TMEM74: variants seen among roughly 807,000 people sequenced by gnomAD.
The protein encoded by TMEM74 is transmembrane protein 74.
Under a neutral mutation model 18.1 loss-of-function variants are expected in TMEM74, and 13 were observed. That is an observed-to-expected ratio of 0.72 (90% confidence interval 0.47 to 1.14). TMEM74 has a LOEUF of 1.14. TMEM74 is among the 50% of genes most tolerant of loss of function. The pLI is 0.00. For missense variants in TMEM74, 372 were observed against 375.9 expected, an observed-to-expected ratio of 0.99 and a Z score of 0.09; for synonymous variants, 159 against 146.6, an observed-to-expected ratio of 1.08 and a Z score of -0.61.
chr8:108,653,868 AG>A (rs1229538994), intron 2 of TMEM74, among the ~76,000 whole-genome samples: 1 of 152,078 alleles, frequency 6.6e-6, no homozygotes, highest in East Asian at 1.9e-4. Flanking sequence ...GGAAGCATGG[AG>A]GCTTTTGCTA....
chr8:108,746,462 G>A (rs1325017724), intron 1 of TMEM74, among the ~76,000 whole-genome samples: 4 of 151,998 alleles, frequency 2.6e-5, no homozygotes, highest in Non-Finnish European at 5.9e-5. Flanking sequence ...GCTTCACAAA[G>A]GTAGAGATTA....
chr8:108,745,217 T>C (rs1271522640), intron 1 of TMEM74, among the ~76,000 whole-genome samples: 1 of 152,024 alleles, frequency 6.6e-6, no homozygotes, highest in Non-Finnish European at 1.5e-5. Flanking sequence ...GATCAAACAG[T>C]GGTAATTCTC....
At chr8:108,775,460 T>A (rs918619477), downstream of TMEM74, among the ~76,000 whole-genome samples, 4 of 152,190 alleles carry the variant, frequency 2.6e-5, no homozygotes, top group African/African-American at 7.2e-5. Flanking sequence ...TCTTTGGCAA[T>A]GTATTTCCCT....
At chr8:108,762,267 G>C (rs1049500515) in intron 1 of TMEM74, among the ~76,000 whole-genome samples, 1 of 152,062 alleles carries the variant, frequency 6.6e-6, no homozygotes, top group South Asian at 2.1e-4. Context: ...TGACATGATG[G>C]ATTCCAGCTT....
chr8:108,663,341 G>A (rs571470341), intron 1 of TMEM74, among the ~76,000 whole-genome samples: 168 of 152,170 alleles, frequency 1.1e-3, no homozygotes, highest in African/African-American at 3.9e-3. Flanking sequence ...ACATTCATGC[G>A]GTCAACAAAC....
chr8:108,657,579 C>T (rs746363390), intron 1 of TMEM74, among the ~76,000 whole-genome samples: 10 of 151,490 alleles, frequency 6.6e-5, no homozygotes, highest in African/African-American at 1.5e-4. Context: ...ATTTTTGGAC[C>T]GGGCGCGGTG....
At chr8:108,650,548 G>A (rs1454917701) in intron 2 of TMEM74, among the ~76,000 whole-genome samples, 1 of 152,110 alleles carries the variant, frequency 6.6e-6, no homozygotes, top group East Asian at 1.9e-4. Flanking sequence ...CCATCTCCTT[G>A]TTGTCCCTTG....
At chr8:108,719,342 CAA>C (rs1356649792) in intron 1 of TMEM74, among the ~76,000 whole-genome samples, 7 of 152,216 alleles carry the variant, frequency 4.6e-5, no homozygotes, top group Non-Finnish European at 1.0e-4. Flanking sequence ...TACATTCTCA[CAA>C]AAGTGTTTAA....
At chr8:108,733,483 G>T (rs898275101) in intron 1 of TMEM74, among the ~76,000 whole-genome samples, 6 of 152,120 alleles carry the variant, frequency 3.9e-5, no homozygotes, top group African/African-American at 1.4e-4. Flanking sequence ...GGCTTCTAGG[G>T]AATGAGGGAG....
intron 1 of TMEM74, among the ~76,000 whole-genome samples, chr8:108,738,092 C>G (rs1813765896): frequency 6.6e-6 from 1 of 152,092 alleles, no homozygotes; most frequent in Non-Finnish European, 1.5e-5. Flanking sequence ...TTTTCATTAC[C>G]TTTCCACCAG....
At chr8:108,700,468 G>A (rs966117569) in intron 1 of TMEM74, among the ~76,000 whole-genome samples, 3 of 147,086 alleles carry the variant, frequency 2.0e-5, no homozygotes, top group South Asian at 4.2e-4. Context: ...AGCATCCAAC[G>A]ACTAAAAGAG....
intron 1 of TMEM74, among the ~76,000 whole-genome samples, chr8:108,688,202 T>C (rs1477880043): frequency 6.6e-6 from 1 of 152,216 alleles, no homozygotes; most frequent in African/African-American, 2.4e-5. Context: ...TCATCAGTAT[T>C]TAACCTGGCT....
chr8:108,750,030 C>T (rs1290826326), intron 1 of TMEM74, among the ~76,000 whole-genome samples: 1 of 152,088 alleles, frequency 6.6e-6, no homozygotes, highest in Non-Finnish European at 1.5e-5. Flanking sequence ...TCTCTGTTCG[C>T]TAATTACTAC....
At chr8:108,615,819 CTTTTTTTTTTTTT>C (rs71564011) in intron 2 of TMEM74, among the ~76,000 whole-genome samples, 1 of 76,420 alleles carries the variant, frequency 1.3e-5, no homozygotes, top group Non-Finnish European at 2.4e-5. Context: ...TGCATGGGAG[CTTTTTTTTTTTTT>C]TTTTTTTTTT....
intron 1 of TMEM74, among the ~76,000 whole-genome samples, chr8:108,682,936 G>A (rs563272973): frequency 1.3e-5 from 2 of 151,878 alleles, no homozygotes; most frequent in South Asian, 4.1e-4. Flanking sequence ...GTTTTCTTTA[G>A]TAAGTGTATT....
intron 1 of TMEM74, among the ~76,000 whole-genome samples, chr8:108,736,218 A>C (rs1376833608): frequency 6.6e-6 from 1 of 152,142 alleles, no homozygotes; most frequent in Non-Finnish European, 1.5e-5. Context: ...ATAAGAAAGT[A>C]CTTTCTGTTG....
rs1326226912 is a variant in TMEM74, at chr8:108,784,480, T to G, written c.619A>C (p.Asn207His). 1.2e-6 allele frequency: 2 copies of G among 1,614,166 alleles called. No individual in the cohort carries two copies. The highest frequency in any genetic ancestry group is 2.2e-5 in the South Asian group (2 of 91,082). ...TCCATCTCCCGGGCTGCCACAGTGT[T>G]GGGGTCCACAGTCACTTCCCGTGGG... ...IVPREVTVDP[N>H]TVAAREMERL... The change falls in exon 2 of 2, where the codon AAC becomes CAC. Residue 207 changes from asparagine to histidine, a missense_variant. Asn to His is a moderately conservative substitution (Grantham distance 68). Coordinates refer to ENST00000297459, the MANE Select transcript of TMEM74 (RefSeq NM_153015.3).
At chr8:108,621,863 C>T (rs758331545) in intron 2 of TMEM74, among the ~76,000 whole-genome samples, 16 of 152,060 alleles carry the variant, frequency 1.1e-4, no homozygotes, top group Admixed American at 2.6e-4. Context: ...AAAGTGAATA[C>T]GCACAAAGCA....
intron 2 of TMEM74, among the ~76,000 whole-genome samples, chr8:108,632,761 A>G (rs925236147): frequency 6.6e-6 from 1 of 151,966 alleles, no homozygotes; most frequent in South Asian, 2.1e-4. Flanking sequence ...TTTTCTTACT[A>G]TGTGGTTTCT....
Sources: allele counts gnomAD v4.1 joint callset (sites outside exome capture counted in the v4.1 genomes callset), GRCh38; gene constraint gnomAD v4.1.1; transcripts MANE v1.5; gene names NCBI Gene and HGNC (gene_info 2026-07-23, HGNC 2026-07-21).